MMP26: variants seen among roughly 807,000 people sequenced by gnomAD.
MMP26 encodes the protein matrix metalloproteinase-26.
MMP26 carries 33 observed loss-of-function variants against 31.0 expected under a neutral mutation model. The observed-to-expected ratio is 1.06, with a 90% CI of 0.81 to 1.42. The LOEUF is 1.42. Among genes scored for constraint, MMP26 ranks in the 40% most tolerant of loss-of-function variants. The pLI, the probability that MMP26 is intolerant of heterozygous loss-of-function variation, is 0.00. For missense variants in MMP26, 347 were observed against 316.1 expected (o/e 1.10, Z -0.74); for synonymous variants, 122 against 114.9 (o/e 1.06, Z -0.40).
intron 1 of MMP26, among the ~76,000 whole-genome samples, chr11:4,741,367 C>T (rs1848309427): frequency 6.6e-6 from 1 of 152,188 alleles, no homozygotes. Context: ...TTTATTGCAG[C>T]ACTGTTTACA....
intron 2 of MMP26, among the ~76,000 whole-genome samples, chr11:4,772,468 T>C (rs1848739248): frequency 6.6e-6 from 1 of 152,186 alleles, no homozygotes; most frequent in African/African-American, 2.4e-5. Context: ...GGGAGAATGA[T>C]AGATGTCCAT....
chr11:4,854,890 CATTTGCTGTTCTGCAAT>C (rs1321275567), intron 2 of MMP26, among the ~76,000 whole-genome samples: 2 of 152,180 alleles, frequency 1.3e-5, no homozygotes, highest in Admixed American at 6.5e-5. Flanking sequence ...CAAGCAGCAA[CATTTGCTGTTCTGCAAT>C]ATTTGCTGTT....
chr11:4,704,928 A>G lies in MMP26; in HGVS notation c.-334A>G, dbSNP rs1763235138. On this transcript the variant is annotated 5_prime_UTR_variant, in exon 1 of 8. The change creates a new upstream start codon in the 5' untranslated region. Transcript: ENST00000380390. ...GCAAGTAAGTTAGTGAGGTTGAGAT[A>G]ACTCTCTCTCACTTGCTTTGCATTA... is the stretch of plus-strand genomic sequence containing the variant. The G allele has an allele frequency of 6.6e-6, 1 of 152,200 alleles. No individual in the cohort carries two copies. Among genetic ancestry groups the G allele is most frequent in the Admixed American group, 6.6e-5 (1 of 15,264 alleles). 9.4% of individuals were successfully genotyped at this position (152,200 alleles called of 1,614,324 possible).
Position 4,798,020 on chromosome 11 carries a change from C to T in MMP26, c.-145+30679C>T, listed in dbSNP as rs142640198. On this transcript the variant is annotated intron_variant, in intron 2 of 7. Transcript: ENST00000380390. The stretch of plus-strand genomic sequence containing the variant: ...TGGATGATTACATTGACTTCACATG[C>T]TGAAATGCAGTGATGCATTTTCTGC... 5.3e-5 allele frequency among the ~76,000 whole-genome samples: 8 copies of T among 152,330 alleles called. No homozygotes were observed. In the East Asian group the frequency reaches 1.4e-3, roughly 26 times the overall value.
intron 2 of MMP26, chr11:4,803,384 C>T: frequency 8.1e-7 from 1 of 1,228,202 alleles, no homozygotes; most frequent in East Asian, 2.3e-5. Context: ...CATTAATGTC[C>T]CCACATTAGT....
chr11:4,909,149 A>AC (rs1320231948), intron 2 of MMP26: 1 of 152,168 alleles, frequency 6.6e-6, no homozygotes, highest in African/African-American at 2.4e-5. Context: ...CCTTAAAAAA[A>AC]ATCAGCCCCT....
Position 4,804,317 on chromosome 11 carries a change from C to T in MMP26, c.-145+36976C>T. 6.2e-7 allele frequency: 1 copy of T among 1,614,110 alleles called. No homozygotes were observed. The highest frequency in any genetic ancestry group is 8.5e-7 in the Non-Finnish European group (1 of 1,180,026). ...ATCCACAACTGGAAACTCTCCAGGC[C>T]TGGGATTCCAAGCAGGATGAAGGAC... On this transcript the variant is annotated intron_variant, in intron 2 of 7. Coordinates refer to ENST00000380390, the MANE Select transcript of MMP26 (RefSeq NM_021801.5).
At position 4,761,162 on chromosome 11, in the gene MMP26, A is replaced by G. The variant is rs1848565316; in HGVS notation, c.-216-6108A>G. On this transcript the variant is annotated intron_variant, in intron 1 of 7. Coordinates refer to ENST00000380390, the MANE Select transcript of MMP26 (RefSeq NM_021801.5). ...GAAAGGGATACAAATAGCAGTGCTG[A>G]AGGAGCAATGCCAGAAGACTAGGTG... is the stretch of plus-strand genomic sequence containing the variant. 2.0e-5 allele frequency among the ~76,000 whole-genome samples: 3 copies of G among 152,300 alleles called. No individual in the cohort carries two copies. In the East Asian group the frequency reaches 5.8e-4, roughly 29 times the overall value.
intron 2 of MMP26, chr11:4,946,630 C>A (rs1482545778): frequency 3.2e-6 from 5 of 1,577,830 alleles, no homozygotes; most frequent in South Asian, 2.2e-5. Flanking sequence ...AGGGAAGAAC[C>A]AGGAGCATGC....
chr11:4,836,651 C>CTTTTTT (rs71480270), intron 2 of MMP26, among the ~76,000 whole-genome samples: 3 of 95,960 alleles, frequency 3.1e-5, no homozygotes, highest in African/African-American at 9.0e-5. Flanking sequence ...TCAAAGACAT[C>CTTTTTT]TTTTTTTTTT....
At chr11:4,816,883 A>T (rs971133430) in intron 2 of MMP26, among the ~76,000 whole-genome samples, 22 of 122,070 alleles carry the variant, frequency 1.8e-4, no homozygotes, top group East Asian at 1.0e-3. Flanking sequence ...TTTTTTTTTT[A>T]ATATTTTTAG....
chr11:4,835,231 C>CACACACACACAT (rs1037186533), intron 2 of MMP26, among the ~76,000 whole-genome samples: 1 of 151,554 alleles, frequency 6.6e-6, no homozygotes, highest in African/African-American at 2.4e-5. Context: ...CACACACACA[C>CACACACACACAT]ACATACACAC....
chr11:4,813,275 C>T (rs915234529), intron 2 of MMP26, among the ~76,000 whole-genome samples: 6 of 151,812 alleles, frequency 4.0e-5, no homozygotes, highest in African/African-American at 1.5e-4. Flanking sequence ...CTAAAGATGG[C>T]CTTGTATTTA....
intron 2 of MMP26, among the ~76,000 whole-genome samples, chr11:4,815,331 T>G (rs1849406187): frequency 6.6e-6 from 1 of 152,166 alleles, no homozygotes; most frequent in Non-Finnish European, 1.5e-5. Flanking sequence ...ATTGCCAGGG[T>G]GAAATTCGGC....
rs1333410905 is a variant in MMP26, at chr11:4,976,871, G to C, written c.-144-11197G>C. Among the ~76,000 whole-genome samples the C allele has an allele frequency of 2.0e-5, 3 of 152,126 alleles. No individual in the cohort carries two copies. In the South Asian group the frequency reaches 6.2e-4, roughly 32 times the overall value. On this transcript the variant is annotated intron_variant, in intron 2 of 7. Coordinates refer to ENST00000380390, the MANE Select transcript of MMP26 (RefSeq NM_021801.5). ...GCCTGCAGTTATAGGTTCTTCTGGA[G>C]AAGTGTTCACAATTTATTTTCCTAA...
At chr11:4,886,561 T>A (rs1359445035) in intron 2 of MMP26, among the ~76,000 whole-genome samples, 1 of 151,812 alleles carries the variant, frequency 6.6e-6, no homozygotes, top group African/African-American at 2.4e-5. Context: ...TTTCAATAAA[T>A]ACATGTACTG....
intron 2 of MMP26, among the ~76,000 whole-genome samples, chr11:4,823,952 C>T (rs1165080029): frequency 3.3e-5 from 5 of 152,060 alleles, no homozygotes; most frequent in Non-Finnish European, 7.4e-5. Context: ...AGTGAACAAA[C>T]TCTTTAAGAA....
chr11:4,761,804 T>C (rs1465006993), intron 1 of MMP26, among the ~76,000 whole-genome samples: 1 of 152,192 alleles, frequency 6.6e-6, no homozygotes, highest in Non-Finnish European at 1.5e-5. Flanking sequence ...CTCCAGGTAA[T>C]AGCATAATGC....
intron 1 of MMP26, among the ~76,000 whole-genome samples, chr11:4,734,934 G>A (rs1485003034): frequency 6.7e-6 from 1 of 150,294 alleles, no homozygotes; most frequent in Non-Finnish European, 1.5e-5. Flanking sequence ...TGACAGCTAT[G>A]CCTGGCATAC....
Sources: allele counts gnomAD v4.1 joint callset (sites outside exome capture counted in the v4.1 genomes callset), GRCh38; gene constraint gnomAD v4.1.1; transcripts MANE v1.5; gene names NCBI Gene and HGNC (gene_info 2026-07-23, HGNC 2026-07-21).